The following FARP1 variants were observed in gnomAD, a reference collection of about 807,000 sequenced individuals.
The protein encoded by FARP1 is FERM, ARH/RhoGEF and pleckstrin domain protein 1, also known as FERM, ARHGEF and pleckstrin domain-containing protein 1.
FARP1 carries 52 observed loss-of-function variants against 128.8 expected under a neutral mutation model. That is an observed-to-expected ratio of 0.40 (90% CI 0.32 to 0.51). FARP1 has a LOEUF of 0.51. Ranked by LOEUF, FARP1 falls within the 20% of genes least tolerant of loss-of-function variation. FARP1 has a pLI of 0.45. For missense variants in FARP1, 1,333 were observed against 1,367.9 expected (o/e 0.97, Z 0.40); for synonymous variants, 580 against 551.8 (o/e 1.05, Z -0.72).
At chr13:98,266,864 AT>A (rs1236045193) in intron 2 of FARP1, among the ~76,000 whole-genome samples, 1 of 152,046 alleles carries the variant, frequency 6.6e-6, no homozygotes, top group East Asian at 1.9e-4. Context: ...AATACAAAAA[AT>A]TAGCCGGGTG....
chr13:98,399,794 T>C (rs1890690177), intron 13 of FARP1: 1 of 152,242 alleles, frequency 6.6e-6, no homozygotes, highest in Non-Finnish European at 1.5e-5. Context: ...CTTGTGCTAA[T>C]ATCTTTTGTT....
intron 1 of FARP1, among the ~76,000 whole-genome samples, chr13:98,157,106 A>G (rs1176835176): frequency 6.6e-6 from 1 of 152,242 alleles, no homozygotes; most frequent in Non-Finnish European, 1.5e-5. Context: ...GAGATTTTAG[A>G]AAATGCTCAC....
rs1357986548 is a variant in FARP1 at position 98,378,436 on chromosome 13, A to C, written c.496+518A>C. On this transcript the variant is annotated intron_variant, in intron 6 of 26. Transcript: ENST00000319562. ...ACAAAGGATGAATCAGATTATGCTCATCTCCAGGCTTGCTGACAAGCCACC... is the reference window on the plus strand; with the variant it reads ...ACAAAGGATGAATCAGATTATGCTCCTCTCCAGGCTTGCTGACAAGCCACC... Among the ~76,000 whole-genome samples the C allele has an allele frequency of 2.0e-5, 3 of 152,234 alleles. No homozygotes were observed. In the East Asian group the frequency reaches 5.8e-4, roughly 29 times the overall value.
In FARP1 at chr13:98,256,946, T is replaced by TGG. The variant is rs1234850907; in HGVS notation, c.171+43534_171+43535dup. 1.5e-3 allele frequency among the ~76,000 whole-genome samples: 114 copies of TGG among 73,734 alleles called. 3 individuals carry two copies. The highest frequency in any genetic ancestry group is 2.1e-3 in the Non-Finnish European group (86 of 41,298). The allele number at this position is 73,734 out of a possible 152,430, so 48.4% of individuals were successfully genotyped here. The stretch of plus-strand genomic sequence containing the variant: ...AACAATAATTTTCAAAGTATATATG[T>TGG]GGATATATATATATATATATATATA... On this transcript the variant is annotated intron_variant, in intron 2 of 26. Coordinates refer to ENST00000319562, the MANE Select transcript of FARP1 (RefSeq NM_005766.4).
chr13:98,346,186 ATTTTTTT>A (rs10555277), intron 3 of FARP1, among the ~76,000 whole-genome samples: 1 of 105,686 alleles, frequency 9.5e-6, no homozygotes, highest in Non-Finnish European at 1.9e-5. Context: ...ATTGCATATA[ATTTTTTT>A]TTTTTTTTTT....
intron 2 of FARP1, among the ~76,000 whole-genome samples, chr13:98,272,934 G>A (rs1482316692): frequency 1.3e-5 from 2 of 152,188 alleles, no homozygotes; most frequent in Non-Finnish European, 2.9e-5. Context: ...TGTGTTAATG[G>A]AAAAACCAGA....
chr13:98,424,502 T>C, intron 16 of FARP1, 70 bp from the exon 17 acceptor site: 2 of 969,074 alleles, frequency 2.1e-6, no homozygotes, highest in East Asian at 2.4e-5. Flanking sequence ...GGTAGGCTGA[T>C]ATTTGTAACC....
intron 16 of FARP1, among the ~76,000 whole-genome samples, chr13:98,416,027 C>T (rs928053038): frequency 5.9e-5 from 9 of 152,220 alleles, no homozygotes; most frequent in Admixed American, 3.3e-4. Flanking sequence ...GCAGAGAAAG[C>T]GGGGAAGCTG....
At chr13:98,400,203 T>C (rs1463730213) in intron 13 of FARP1, 2 of 152,190 alleles carry the variant, frequency 1.3e-5, no homozygotes, top group African/African-American at 4.8e-5. Flanking sequence ...AACTAAAACA[T>C]AGCACGAGCC....
At chr13:98,252,127 C>T (rs1222714533) in intron 2 of FARP1, among the ~76,000 whole-genome samples, 2 of 152,114 alleles carry the variant, frequency 1.3e-5, no homozygotes, top group African/African-American at 2.4e-5. Flanking sequence ...GGATTACAGG[C>T]GTGAGCCACC....
intron 5 of FARP1, among the ~76,000 whole-genome samples, chr13:98,375,091 G>C (rs2140000393): frequency 6.6e-6 from 1 of 152,282 alleles, no homozygotes; most frequent in South Asian, 2.1e-4. Flanking sequence ...TTCATTCTAG[G>C]GCTTGACTGA....
chr13:98,434,351 G>C (rs1417333754), intron 18 of FARP1: 1 of 152,186 alleles, frequency 6.6e-6, no homozygotes, highest in Non-Finnish European at 1.5e-5. Flanking sequence ...ATCGAGCAAG[G>C]CCTGGGATTT....
intron 1 of FARP1, among the ~76,000 whole-genome samples, chr13:98,201,755 C>G (rs1879964454): frequency 6.6e-6 from 1 of 152,090 alleles, no homozygotes; most frequent in South Asian, 2.1e-4. Context: ...TTTAAGATAA[C>G]CTATTTAATT....
chr13:98,188,985 G>A (rs1879060384), intron 1 of FARP1, among the ~76,000 whole-genome samples: 1 of 152,166 alleles, frequency 6.6e-6, no homozygotes. Context: ...GGCCCATGAA[G>A]GCTCGCCAGC....
At chr13:98,327,812 C>T (rs1187740996) in intron 2 of FARP1, among the ~76,000 whole-genome samples, 2 of 152,126 alleles carry the variant, frequency 1.3e-5, no homozygotes, top group African/African-American at 2.4e-5. Flanking sequence ...GCCTGCAAAG[C>T]GGGCATTCTG....
chr13:98,392,323 CAAAAAAAAA>C (rs11289484), intron 11 of FARP1, among the ~76,000 whole-genome samples: 25 of 60,420 alleles, frequency 4.1e-4, no homozygotes, highest in African/African-American at 1.6e-3. Flanking sequence ...CATCTCTACC[CAAAAAAAAA>C]AAAAAAAAAA....
intron 1 of FARP1, among the ~76,000 whole-genome samples, chr13:98,181,047 T>G (rs1878469573): frequency 6.7e-6 from 1 of 150,016 alleles, no homozygotes; most frequent in African/African-American, 2.4e-5. Flanking sequence ...TTAAGCATTT[T>G]TAAGTCTTTT....
chr13:98,150,574 A>G (rs1179753750), intron 1 of FARP1, among the ~76,000 whole-genome samples: 3 of 152,332 alleles, frequency 2.0e-5, no homozygotes, highest in East Asian at 1.9e-4. Context: ...AACATTTTAC[A>G]TGGTCTAGTT....
At chr13:98,208,929 G>A (rs1880476953) in intron 1 of FARP1, among the ~76,000 whole-genome samples, 1 of 152,224 alleles carries the variant, frequency 6.6e-6, no homozygotes, top group Non-Finnish European at 1.5e-5. Flanking sequence ...ATGAGTTAGG[G>A]AAGAAAACTC....
Sources: allele counts gnomAD v4.1 joint callset (sites outside exome capture counted in the v4.1 genomes callset), GRCh38; gene constraint gnomAD v4.1.1; transcripts MANE v1.5; gene names NCBI Gene and HGNC (gene_info 2026-07-23, HGNC 2026-07-21).